Variants in CDON observed in about 807,000 individuals in gnomAD.
CDON encodes cell adhesion molecule-related/down-regulated by oncogenes.
A neutral mutation model predicts 120.9 loss-of-function variants in CDON; 73 were observed. The ratio of observed to expected loss-of-function variants is 0.60; its 90% CI spans 0.50 to 0.73. The LOEUF (loss-of-function observed/expected upper bound fraction) is 0.73, where lower values mean the gene tolerates loss of function less well. Ranked by LOEUF, CDON falls within the 30% of genes least tolerant of loss-of-function variation. The probability of loss-of-function intolerance (pLI) is 0.00; values close to 1 mark genes in which losing one functional copy is unlikely to be tolerated. For missense variants in CDON, 1,470 were observed against 1,587.3 expected (o/e 0.93, Z 1.26); for synonymous variants, 566 against 573.5 (o/e 0.99, Z 0.19).
chr11:125,972,546 C>A (rs1245011092), intron 18 of CDON, among the ~76,000 whole-genome samples: 3 of 152,192 alleles, frequency 2.0e-5, no homozygotes, highest in Admixed American at 6.5e-5. Flanking sequence ...AACTTCCCCA[C>A]AGATCTATAC....
chr11:126,006,145 T>C (rs962479191), intron 8 of CDON, 88 bp from the exon 9 acceptor site: 48 of 1,203,074 alleles, frequency 4.0e-5, no homozygotes, highest in Non-Finnish European at 5.4e-5. Context: ...CCCTCACTTG[T>C]ATTGTTAGCA....
chr11:125,995,433 C>G (rs767286222), intron 12 of CDON, among the ~76,000 whole-genome samples: 2 of 152,130 alleles, frequency 1.3e-5, no homozygotes, highest in Non-Finnish European at 2.9e-5. Flanking sequence ...TATCTGTCCC[C>G]AAAACTAGGT....
intron 1 of CDON, among the ~76,000 whole-genome samples, chr11:126,025,036 T>C (rs1478155603): frequency 6.6e-6 from 1 of 151,856 alleles, no homozygotes; most frequent in Non-Finnish European, 1.5e-5. Context: ...GAAACCCCGT[T>C]TCCACTAAAA....
In CDON at chr11:126,012,489, C is replaced by T. The variant is rs974183341; in HGVS notation, c.1199-1795G>A. Among the ~76,000 whole-genome samples the T allele has an allele frequency of 5.3e-5, 8 of 151,972 alleles. 1 individual carries two copies. Among genetic ancestry groups the T allele is most frequent in the Admixed American group, 1.3e-4 (2 of 15,252 alleles). On this transcript the variant is annotated intron_variant, in intron 7 of 19. Transcript: ENST00000531738. ...CGATCTCAGCTCACTGCAACCTCCA[C>T]CTCCCGGGTTCTAGAAATTCTCCTG... is the stretch of plus-strand genomic sequence containing the variant.
chr11:125,982,195 C>T (rs1436340738), intron 16 of CDON, among the ~76,000 whole-genome samples: 4 of 151,844 alleles, frequency 2.6e-5, no homozygotes, highest in South Asian at 2.1e-4. Flanking sequence ...AGGTTGGTTT[C>T]GATCTCCTGA....
intron 16 of CDON, among the ~76,000 whole-genome samples, chr11:125,983,074 A>C (rs1239914962): frequency 6.6e-6 from 1 of 152,208 alleles, no homozygotes; most frequent in Non-Finnish European, 1.5e-5. Context: ...GAACTGGCTA[A>C]CAGCCACTGG....
chr11:125,968,465 C>A (rs553000492), intron 18 of CDON, among the ~76,000 whole-genome samples: 126 of 152,270 alleles, frequency 8.3e-4, no homozygotes, highest in Non-Finnish European at 1.1e-3. Context: ...CAAGGGCCAA[C>A]CACAAGTGTG....
At position 126,015,364 on chromosome 11, in the gene CDON, G is replaced by C. The variant is rs1947432647; in HGVS notation, c.1075C>G (p.Leu359Val). 8 of 1,614,180 alleles carry C rather than the reference G, an allele frequency of 5.0e-6. No homozygotes were observed. The highest frequency in any genetic ancestry group is 6.8e-6 in the Non-Finnish European group (8 of 1,180,032). The part of the protein sequence containing the change: ...AQPIHPSARH[L>V]TAGNGLKISG... ...ATTTTCAGTCCGTTTCCTGCAGTTAGATGTCGTGCAGAAGGATGAATAGGC... is the reference window on the plus strand; with the variant it reads ...ATTTTCAGTCCGTTTCCTGCAGTTACATGTCGTGCAGAAGGATGAATAGGC... Residue 359 changes from leucine to valine, a missense_variant, in exon 7 of 20, where the codon CTA becomes GTA. Coordinates refer to ENST00000531738, the MANE Select transcript of CDON (RefSeq NM_001378964.1).
chr11:125,967,531 C>T (rs1199003631), intron 18 of CDON, among the ~76,000 whole-genome samples: 1 of 152,216 alleles, frequency 6.6e-6, no homozygotes, highest in Non-Finnish European at 1.5e-5. Flanking sequence ...TTAGGACACA[C>T]AGCACAGTCA....
chr11:125,982,244 G>A (rs1946334975), intron 16 of CDON, among the ~76,000 whole-genome samples: 1 of 152,030 alleles, frequency 6.6e-6, no homozygotes, highest in African/African-American at 2.4e-5. Flanking sequence ...AAAGTGCTAT[G>A]ATTACAGGCG....
rs1468373205 is a variant in CDON at position 125,961,858 on chromosome 11, G to A, written c.3497C>T (p.Pro1166Leu). ...CTCCTCCGGCAACTGGCCACAATCA[G>A]GGACTGCGGAAGTCAGGCATACAGG... ...KVPVCLTSAVPDCGQLPEESV... is the reference protein window; with the variant it reads ...KVPVCLTSAVLDCGQLPEESV... Residue 1166 changes from proline (P) to leucine (L), a missense_variant, in exon 19 of 20, where the codon CCT (proline) becomes CTT (leucine). Pro to Leu is a moderately conservative substitution (Grantham distance 98). Coordinates refer to ENST00000531738, the MANE Select transcript of CDON (RefSeq NM_001378964.1). 4 of 1,614,210 alleles carry A rather than the reference G, an allele frequency of 2.5e-6. No homozygotes were observed. The Admixed American group carries it at 6.7e-5, about 27-fold the overall frequency.
intron 1 of CDON, among the ~76,000 whole-genome samples, chr11:126,043,705 G>C (rs1428718269): frequency 2.0e-5 from 3 of 152,230 alleles, no homozygotes; most frequent in Non-Finnish European, 4.4e-5. Flanking sequence ...GCCATACACA[G>C]CTTCCTAAGC....
At chr11:126,038,105 TA>T (rs1419839452) in intron 1 of CDON, among the ~76,000 whole-genome samples, 2 of 151,982 alleles carry the variant, frequency 1.3e-5, no homozygotes, top group African/African-American at 4.8e-5. Flanking sequence ...ATCAAAAAGC[TA>T]AGTTAAAAAG....
intron 14 of CDON, among the ~76,000 whole-genome samples, 187 bp from the exon 15 acceptor site, chr11:125,989,946 C>T (rs567423634): frequency 7.9e-5 from 12 of 151,938 alleles, no homozygotes; most frequent in Non-Finnish European, 1.6e-4. Context: ...TTCTATTACA[C>T]GGCATGAAAA....
chr11:125,970,176 T>TC (rs1231938387), intron 18 of CDON, among the ~76,000 whole-genome samples: 1 of 121,252 alleles, frequency 8.2e-6, no homozygotes, highest in African/African-American at 2.8e-5. Context: ...GTTTATGTTT[T>TC]TTTTTTTTTT....
chr11:126,007,380 CTAAT>C (rs563059226), intron 8 of CDON, among the ~76,000 whole-genome samples: 73 of 152,254 alleles, frequency 4.8e-4, no homozygotes, highest in African/African-American at 1.5e-3. Flanking sequence ...TAGAAGAAAA[CTAAT>C]TAAGTTCACT....
chr11:125,978,531 C>A, intron 17 of CDON, 148 bp from the exon 18 acceptor site: 1 of 680,302 alleles, frequency 1.5e-6, no homozygotes, highest in South Asian at 1.6e-5. Context: ...CCCAGAGCAA[C>A]GTCATTGTGA....
intron 14 of CDON, among the ~76,000 whole-genome samples, chr11:125,990,058 C>T (rs185301969): frequency 2.0e-5 from 3 of 152,164 alleles, no homozygotes; most frequent in Non-Finnish European, 1.5e-5. Context: ...TCATAAAATA[C>T]ATGTTAATTT....
At chr11:126,010,218 C>G in intron 8 of CDON, 123 bp downstream of exon 8, 1 of 739,922 alleles carries the variant, frequency 1.4e-6, no homozygotes, top group East Asian at 2.7e-5. Flanking sequence ...CTACATTTCA[C>G]TGTCATCAGG....
Sources: gnomAD v4.1 joint callset for allele counts (sites outside exome capture counted in the v4.1 genomes callset) on GRCh38, gnomAD v4.1.1 for gene constraint, MANE v1.5 for transcripts, NCBI Gene and HGNC (gene_info 2026-07-23, HGNC 2026-07-21) for gene names.